Variants in ST7 observed in about 807,000 individuals in gnomAD.
The protein encoded by ST7 is suppression of tumorigenicity 7, also known as suppressor of tumorigenicity 7 protein.
In ST7, 28 loss-of-function variants were observed where a neutral mutation model predicts 78.7. The observed-to-expected ratio is 0.36, with a 90% CI of 0.26 to 0.49. The LOEUF is 0.49. Among genes scored for constraint, ST7 ranks in the 20% least tolerant of loss-of-function variants. The probability of loss-of-function intolerance (pLI) is 0.99; values close to 1 mark genes in which losing one functional copy is unlikely to be tolerated. For missense variants in ST7, 418 were observed against 696.0 expected (o/e 0.60, Z 4.49); for synonymous variants, 247 against 249.6 (o/e 0.99, Z 0.10).
chr7:117,131,846 G>A, intron 5 of ST7, 39 bp from the exon 6 acceptor site: 1 of 1,543,484 alleles, frequency 6.5e-7, no homozygotes, highest in South Asian at 1.1e-5. Flanking sequence ...CTAATTATAT[G>A]TATGGATTGA....
intron 9 of ST7, among the ~76,000 whole-genome samples, chr7:117,151,986 G>T (rs1339218579): frequency 6.6e-6 from 1 of 151,440 alleles, no homozygotes; most frequent in African/African-American, 2.4e-5. Context: ...CGGTGTGGTG[G>T]CACATGCCTG....
At chr7:116,999,888 G>C (rs1794845104) in intron 1 of ST7, among the ~76,000 whole-genome samples, 1 of 136,584 alleles carries the variant, frequency 7.3e-6, no homozygotes, top group Admixed American at 8.5e-5. Context: ...TCAGCTCACT[G>C]CAAGCTTCAT....
At chr7:117,097,908 A>ATTTTTTTT (rs751549285) in intron 1 of ST7, among the ~76,000 whole-genome samples, 11 of 30,010 alleles carry the variant, frequency 3.7e-4, no homozygotes, top group South Asian at 1.9e-3. Flanking sequence ...ATATATATAT[A>ATTTTTTTT]TTTTTTTTTT....
chr7:117,073,090 A>C (rs960480975), intron 1 of ST7: 1 of 152,238 alleles, frequency 6.6e-6, no homozygotes, highest in South Asian at 2.1e-4. Flanking sequence ...GGCTGGCTTC[A>C]GCCTTTGAAG....
rs1807512274 is a variant in ST7 at position 117,165,845 on chromosome 7, T to C, written c.964-5017T>C. On this transcript the variant is annotated intron_variant, in intron 9 of 15. Coordinates refer to ENST00000323984, the MANE Select transcript of ST7 (RefSeq NM_001369598.1). Reference sequence around the variant, plus strand: ...GAGAGCACTCCAGGGAGGAGGAGCTTGGAACATGAGTGAACATGGCCTGTT... The same window carrying C: ...GAGAGCACTCCAGGGAGGAGGAGCTCGGAACATGAGTGAACATGGCCTGTT... Among the ~76,000 whole-genome samples the C allele has an allele frequency of 2.0e-5, 3 of 152,236 alleles. No homozygotes were observed. In the South Asian group the frequency reaches 6.2e-4, roughly 32 times the overall value.
intron 1 of ST7, among the ~76,000 whole-genome samples, chr7:116,957,836 A>T (rs1282243292): frequency 6.6e-6 from 1 of 152,232 alleles, no homozygotes; most frequent in Non-Finnish European, 1.5e-5. Flanking sequence ...TTTTCCTAAA[A>T]CGGGCAACTT....
Position 117,112,094 on chromosome 7 carries a change from A to ATGTGTG in ST7, c.235-7457_235-7452dup, listed in dbSNP as rs149580533. On this transcript the variant is annotated intron_variant, in intron 2 of 15. Transcript: ENST00000323984. ...TATACATATATGTACATATATATGC[A>ATGTGTG]TGTGTGTGTGTGTGTATATATATAT... Among the ~76,000 whole-genome samples, 341 of 150,992 alleles carry ATGTGTG rather than the reference A, an allele frequency of 2.3e-3. 1 individual carries two copies. Among genetic ancestry groups the ATGTGTG allele is most frequent in the African/African-American group, 7.5e-3 (310 of 41,172 alleles).
intron 9 of ST7, among the ~76,000 whole-genome samples, chr7:117,161,633 T>A (rs1344768333): frequency 7.7e-4 from 108 of 140,560 alleles, no homozygotes; most frequent in African/African-American, 2.8e-3. Context: ...GGAGTCTTGC[T>A]CTATTGCCCA....
In ST7 at chr7:116,969,452, T is replaced by C. The variant is rs1167707180; in HGVS notation, c.151+15761T>C. ...TGGGAGGAAGACCACAGAGGTCAAG[T>C]GCCATTTTTGTCATGACATAATACC... On this transcript the variant is annotated intron_variant, in intron 1 of 15. Coordinates refer to ENST00000323984, the MANE Select transcript of ST7 (RefSeq NM_001369598.1). Among the ~76,000 whole-genome samples the C allele has an allele frequency of 2.0e-5, 3 of 152,230 alleles. No individual in the cohort carries two copies. In the East Asian group the frequency reaches 5.8e-4, roughly 29 times the overall value.
intron 1 of ST7, among the ~76,000 whole-genome samples, chr7:117,099,380 AGGGACTCTGATGT>A (rs1801394868): frequency 6.6e-6 from 1 of 152,164 alleles, no homozygotes; most frequent in South Asian, 2.1e-4. Context: ...TTGATGCATC[AGGGACTCTGATGT>A]GCAGGTCCCA....
At chr7:117,014,214 A>G (rs531164856) in intron 1 of ST7, among the ~76,000 whole-genome samples, 10 of 152,356 alleles carry the variant, frequency 6.6e-5, no homozygotes, top group Admixed American at 1.3e-4. Context: ...TCTTTTGGCA[A>G]GGTAAATAAT....
chr7:116,997,136 C>T lies in ST7; in HGVS notation c.151+43445C>T, dbSNP rs1794698086. On this transcript the variant is annotated intron_variant, in intron 1 of 15. Transcript: ENST00000323984. ...TCTGGTGGGTTCATGGTCTCGCTGG[C>T]TCAGGAGTGAAACTGCAGACCTTCG... Among the ~76,000 whole-genome samples, 3 of 152,090 alleles carry T rather than the reference C, an allele frequency of 2.0e-5. No homozygotes were observed. The South Asian group carries it at 6.2e-4, about 32-fold the overall frequency.
intron 1 of ST7, among the ~76,000 whole-genome samples, chr7:117,091,409 A>G (rs774496216): frequency 1.1e-4 from 17 of 152,014 alleles, no homozygotes; most frequent in Non-Finnish European, 1.9e-4. Flanking sequence ...ATAGGACTAG[A>G]AAAAAAACCA....
At chr7:117,191,081 TA>T in intron 12 of ST7, 145 bp downstream of exon 12, 1 of 654,358 alleles carries the variant, frequency 1.5e-6, no homozygotes, top group Non-Finnish European at 2.6e-6. Flanking sequence ...GTATGGGCAT[TA>T]GCCTCATTTT....
chr7:116,999,832 A>G (rs1471880968), intron 1 of ST7, among the ~76,000 whole-genome samples: 1 of 94,416 alleles, frequency 1.1e-5, no homozygotes, highest in Admixed American at 1.4e-4. Flanking sequence ...TTTTTTTGAG[A>G]CAGAGTCTCG....
intron 1 of ST7, among the ~76,000 whole-genome samples, chr7:117,040,976 A>G (rs376242346): frequency 1.3e-5 from 2 of 152,204 alleles, no homozygotes; most frequent in East Asian, 3.9e-4. Context: ...TTCCTTCACT[A>G]TCTACCCCTT....
intron 1 of ST7, among the ~76,000 whole-genome samples, chr7:117,092,506 T>G (rs998257683): frequency 2.6e-5 from 4 of 152,112 alleles, no homozygotes; most frequent in Non-Finnish European, 4.4e-5. Flanking sequence ...CATTTTTCAT[T>G]CCCTTGTCCT....
chr7:117,137,911 C>T (rs1804927233), intron 8 of ST7, among the ~76,000 whole-genome samples: 1 of 152,062 alleles, frequency 6.6e-6, no homozygotes. Flanking sequence ...TTGTTGCATA[C>T]TCTATTGTCA....
At chr7:116,992,083 C>T (rs1321189356) in intron 1 of ST7, among the ~76,000 whole-genome samples, 1 of 152,226 alleles carries the variant, frequency 6.6e-6, no homozygotes, top group Non-Finnish European at 1.5e-5. Flanking sequence ...GCCTCTCTCC[C>T]ACTGCTTTCA....
Sources: gnomAD v4.1 joint callset for allele counts (sites outside exome capture counted in the v4.1 genomes callset) on GRCh38, gnomAD v4.1.1 for gene constraint, MANE v1.5 for transcripts, NCBI Gene and HGNC (gene_info 2026-07-23, HGNC 2026-07-21) for gene names.